The following CSMD1 variants were observed in gnomAD, a reference collection of about 807,000 sequenced individuals.
CSMD1 encodes the protein CUB and sushi domain-containing protein 1.
CSMD1 carries 213 observed loss-of-function variants against 417.5 expected under a neutral mutation model. The observed-to-expected ratio is 0.51, with a 90% confidence interval of 0.46 to 0.57. The LOEUF is 0.57. Ranked by LOEUF, CSMD1 falls within the 20% of genes least tolerant of loss-of-function variation. CSMD1 has a pLI of 0.00. For missense variants in CSMD1, 6,923 were observed against 4,529.7 expected (o/e 1.53, Z -15.17); for synonymous variants, 2,862 against 1,736.8 (o/e 1.65, Z -16.11).
intron 6 of CSMD1, among the ~76,000 whole-genome samples, chr8:3,712,331 A>C (rs1461377505): frequency 6.6e-6 from 1 of 151,206 alleles, no homozygotes; most frequent in African/African-American, 2.4e-5. Context: ...CCTCCCTCCA[A>C]CTGCCCTCAG....
At chr8:3,670,949 A>T (rs958754201) in intron 7 of CSMD1, among the ~76,000 whole-genome samples, 10 of 105,356 alleles carry the variant, frequency 9.5e-5, no homozygotes, top group African/African-American at 3.1e-4. Context: ...GTATGGGTAT[A>T]TGTGTATGGG....
At chr8:4,461,797 G>A (rs1799844335) in intron 2 of CSMD1, among the ~76,000 whole-genome samples, 1 of 146,736 alleles carries the variant, frequency 6.8e-6, no homozygotes, top group Admixed American at 6.9e-5. Flanking sequence ...CTGGAGTGCA[G>A]TAGTACGATC....
chr8:4,465,404 C>G (rs1800104785), intron 2 of CSMD1, among the ~76,000 whole-genome samples: 1 of 152,262 alleles, frequency 6.6e-6, no homozygotes, highest in African/African-American at 2.4e-5. Context: ...TCTATTTCAT[C>G]ATGCTGAAGG....
intron 1 of CSMD1, among the ~76,000 whole-genome samples, chr8:4,962,544 A>G (rs1045393860): frequency 1.3e-5 from 2 of 152,134 alleles, no homozygotes; most frequent in African/African-American, 4.8e-5. Flanking sequence ...AGCATGGAGG[A>G]CATTTTCTGA....
intron 5 of CSMD1, among the ~76,000 whole-genome samples, chr8:3,848,453 G>T (rs1803662225): frequency 6.6e-6 from 1 of 152,034 alleles, no homozygotes; most frequent in Non-Finnish European, 1.5e-5. Flanking sequence ...AGTTACTTAA[G>T]TTCTCTGAGT....
intron 5 of CSMD1, among the ~76,000 whole-genome samples, chr8:3,860,573 G>A (rs1458513177): frequency 2.0e-5 from 3 of 152,134 alleles, no homozygotes; most frequent in South Asian, 2.1e-4. Context: ...ATACGCATAT[G>A]TATTGCTAAC....
intron 3 of CSMD1, among the ~76,000 whole-genome samples, chr8:4,200,152 G>C (rs1437025595): frequency 6.6e-6 from 1 of 152,166 alleles, no homozygotes. Flanking sequence ...ATTATAGTCT[G>C]AAATTGCAAA....
At chr8:2,956,290 G>T (rs184489572) in intron 63 of CSMD1, among the ~76,000 whole-genome samples, 225 of 151,826 alleles carry the variant, frequency 1.5e-3, no homozygotes, top group Non-Finnish European at 2.7e-3. Context: ...ACTTAATATA[G>T]ATTCTTATTT....
chr8:3,245,313 C>T (rs1799805132), intron 26 of CSMD1, among the ~76,000 whole-genome samples: 1 of 152,144 alleles, frequency 6.6e-6, no homozygotes, highest in Non-Finnish European at 1.5e-5. Flanking sequence ...ACCTGGGTCC[C>T]AGTCACTAGG....
chr8:3,068,801 T>A (rs1813127330), intron 49 of CSMD1, among the ~76,000 whole-genome samples: 1 of 152,024 alleles, frequency 6.6e-6, no homozygotes, highest in Non-Finnish European at 1.5e-5. Context: ...ACCCCCATGA[T>A]CCAAACATCT....
intron 3 of CSMD1, among the ~76,000 whole-genome samples, chr8:4,065,857 A>T (rs1799218571): frequency 6.6e-6 from 1 of 152,194 alleles, no homozygotes; most frequent in Non-Finnish European, 1.5e-5. Context: ...CACACACCCA[A>T]AGTTTTCCTT....
chr8:4,081,907 G>A (rs908961352), intron 3 of CSMD1, among the ~76,000 whole-genome samples: 8 of 152,158 alleles, frequency 5.3e-5, no homozygotes, highest in Admixed American at 1.3e-4. Context: ...TAGTGCTCAT[G>A]GGGGAGTGTG....
chr8:3,954,938 A>C (rs1196751262), intron 5 of CSMD1, among the ~76,000 whole-genome samples: 1 of 152,208 alleles, frequency 6.6e-6, no homozygotes, highest in Admixed American at 6.5e-5. Flanking sequence ...ACTTATGCAC[A>C]GAAAGTTGTT....
chr8:4,637,694 C>T (rs539937156), intron 1 of CSMD1, 136 bp from the exon 2 acceptor site: 54 of 525,430 alleles, frequency 1.0e-4, no homozygotes, highest in African/African-American at 8.5e-4. Context: ...GACGGAGTCT[C>T]GCTCTGTCGC....
At chr8:4,360,450 G>C (rs1170529006) in intron 3 of CSMD1, among the ~76,000 whole-genome samples, 2 of 152,114 alleles carry the variant, frequency 1.3e-5, no homozygotes, top group South Asian at 2.1e-4. Flanking sequence ...TCATAGAAGA[G>C]CCCGTTATCA....
At chr8:4,940,237 C>T (rs1245791891) in intron 1 of CSMD1, among the ~76,000 whole-genome samples, 1 of 152,036 alleles carries the variant, frequency 6.6e-6, no homozygotes, top group Non-Finnish European at 1.5e-5. Context: ...TTGAGAAGGA[C>T]AAGAACAGAA....
intron 1 of CSMD1, among the ~76,000 whole-genome samples, chr8:4,951,299 G>C (rs1045972177): frequency 6.6e-6 from 1 of 152,068 alleles, no homozygotes; most frequent in Non-Finnish European, 1.5e-5. Context: ...TTCACGCTCA[G>C]TCTTTGAACT....
chr8:3,423,767 G>A (rs1234770114), intron 12 of CSMD1, among the ~76,000 whole-genome samples: 1 of 152,138 alleles, frequency 6.6e-6, no homozygotes, highest in Admixed American at 6.5e-5. Context: ...TGGAATTGTT[G>A]GATCACAGAA....
chr8:3,533,923 C>A (rs776435939), intron 10 of CSMD1, among the ~76,000 whole-genome samples: 2 of 152,132 alleles, frequency 1.3e-5, no homozygotes, highest in Non-Finnish European at 2.9e-5. Flanking sequence ...TCCCTTTGGT[C>A]CACCAATCAC....
Sources: allele counts gnomAD v4.1 joint callset (sites outside exome capture counted in the v4.1 genomes callset), GRCh38; gene constraint gnomAD v4.1.1; transcripts MANE v1.5; gene names NCBI Gene and HGNC (gene_info 2026-07-23, HGNC 2026-07-21).